The following KAZN variants were observed in gnomAD, a reference collection of about 807,000 sequenced individuals.
The protein encoded by KAZN is kazrin.
A neutral mutation model predicts 87.4 loss-of-function variants in KAZN; 40 were observed. The ratio of observed to expected loss-of-function variants is 0.46; its 90% CI spans 0.36 to 0.60. The LOEUF (loss-of-function observed/expected upper bound fraction) is 0.60. Among genes scored for constraint, KAZN ranks in the 20% least tolerant of loss-of-function variants. The pLI is 0.00. For synonymous variants in KAZN, 466 were observed against 458.3 expected, an observed-to-expected ratio of 1.02 and a Z score of -0.22; for missense variants, 898 against 1,073.9, an observed-to-expected ratio of 0.84 and a Z score of 2.29.
Position 14,921,379 on chromosome 1 carries a change from T to C in KAZN, c.227-39305T>C, listed in dbSNP as rs118102069. Among the ~76,000 whole-genome samples the C allele has an allele frequency of 2.2e-3, 342 of 152,308 alleles. 9 individuals carry two copies. The East Asian group carries it at 0.046, about 21-fold the overall frequency. On this transcript the variant is annotated intron_variant, in intron 1 of 14. Transcript: ENST00000376030. ...GGTGGCCAATGGGCTACATAAAGAC[T>C]TTTAGATATGTTTACTTTCTTCTTC...
intron 2 of KAZN, among the ~76,000 whole-genome samples, chr1:14,352,390 C>T (rs1034279097): frequency 2.6e-5 from 4 of 152,090 alleles, no homozygotes; most frequent in Admixed American, 6.6e-5. Flanking sequence ...ATAATATGGT[C>T]TTCCCTGAGT....
At chr1:14,278,978 C>T (rs942025099) in intron 2 of KAZN, among the ~76,000 whole-genome samples, 7 of 144,400 alleles carry the variant, frequency 4.8e-5, no homozygotes, top group African/African-American at 1.8e-4. Context: ...CAACATGCCA[C>T]TGCGTCAATC....
At chr1:14,305,658 TTTTTTTTTTGTTTTC>T (rs1654869588) in intron 2 of KAZN, among the ~76,000 whole-genome samples, 1 of 141,788 alleles carries the variant, frequency 7.1e-6, no homozygotes, top group South Asian at 2.2e-4. Flanking sequence ...CTGCTCTCCC[TTTTTTTTTTGTTTTC>T]TTTTTTTTTA....
chr1:15,024,200 A>T (rs1376201833), intron 2 of KAZN, among the ~76,000 whole-genome samples: 1 of 152,138 alleles, frequency 6.6e-6, no homozygotes, highest in Non-Finnish European at 1.5e-5. Flanking sequence ...GAGCAGGCAG[A>T]AATGAGAGGA....
chr1:15,093,616 A>T (rs960302400), intron 8 of KAZN, among the ~76,000 whole-genome samples: 3 of 152,192 alleles, frequency 2.0e-5, no homozygotes, highest in African/African-American at 7.2e-5. Context: ...TTTTTACATA[A>T]GATAAAGATA....
intron 1 of KAZN, among the ~76,000 whole-genome samples, chr1:14,667,363 G>A (rs559608371): frequency 6.6e-6 from 1 of 152,192 alleles, no homozygotes; most frequent in South Asian, 2.1e-4. Flanking sequence ...GGGACTCGAA[G>A]GTGAATTTGC....
chr1:14,060,341 C>T (rs1198162200), intron 1 of KAZN, among the ~76,000 whole-genome samples: 2 of 126,382 alleles, frequency 1.6e-5, no homozygotes, highest in African/African-American at 3.1e-5. Context: ...CCAGCCTGGG[C>T]GACAGAGCGA....
intron 1 of KAZN, among the ~76,000 whole-genome samples, chr1:14,675,941 C>T (rs1640191419): frequency 6.6e-6 from 1 of 152,018 alleles, no homozygotes; most frequent in South Asian, 2.1e-4. Context: ...TGCTCTACAC[C>T]CCGAGTATGG....
intron 2 of KAZN, among the ~76,000 whole-genome samples, chr1:14,195,843 TC>T (rs1646515728): frequency 6.6e-6 from 1 of 152,222 alleles, no homozygotes; most frequent in Admixed American, 6.5e-5. Flanking sequence ...ATCCCAGTCT[TC>T]CTGGAGCTTA....
intron 1 of KAZN, among the ~76,000 whole-genome samples, chr1:14,864,489 G>A (rs1189062708): frequency 6.6e-6 from 1 of 152,192 alleles, no homozygotes; most frequent in Non-Finnish European, 1.5e-5. Context: ...TTGAACCCGG[G>A]AGGTGGAGGT....
intron 2 of KAZN, among the ~76,000 whole-genome samples, chr1:14,555,890 A>G (rs752263603): frequency 6.6e-6 from 1 of 152,212 alleles, no homozygotes; most frequent in Non-Finnish European, 1.5e-5. Context: ...GATGTATTAT[A>G]TCTACAGAGA....
intron 1 of KAZN, among the ~76,000 whole-genome samples, chr1:14,637,903 A>G (rs897724833): frequency 2.0e-5 from 3 of 152,112 alleles, no homozygotes; most frequent in African/African-American, 7.2e-5. Context: ...GAAATCCAAA[A>G]TCAAGGTGCC....
At chr1:14,028,096 G>A (rs2101308610) in intron 1 of KAZN, among the ~76,000 whole-genome samples, 1 of 152,244 alleles carries the variant, frequency 6.6e-6, no homozygotes, top group Middle Eastern at 3.4e-3. Context: ...TAATCTTATT[G>A]GAGTAGCTTC....
chr1:14,900,809 T>A (rs1572772296), intron 1 of KAZN, among the ~76,000 whole-genome samples: 1 of 149,046 alleles, frequency 6.7e-6, no homozygotes, highest in Non-Finnish European at 1.5e-5. Context: ...AGCAAGTGGG[T>A]GCAGCTACTA....
In KAZN at chr1:15,041,331, C is replaced by CTTTTTTTTT. The variant is rs71000360; in HGVS notation, c.556-2651_556-2643dup. Among the ~76,000 whole-genome samples, 825 of 113,938 alleles carry CTTTTTTTTT rather than the reference C, an allele frequency of 7.2e-3. 10 individuals are homozygous for CTTTTTTTTT. The highest frequency in any genetic ancestry group is 0.012 in the African/African-American group (350 of 28,250). 74.7% of individuals were successfully genotyped at this position (113,938 alleles called of 152,430 possible). A position where few individuals can be genotyped will look rare whatever the true frequency, so the allele number is the denominator to read the frequency against. ...GTATTCTACTCTCCGCATTTTTTTTCTTTTTTTTTTTTTTTGTTTTTTTGA... is the reference window on the plus strand; with the variant it reads ...GTATTCTACTCTCCGCATTTTTTTTCTTTTTTTTTTTTTTTTTTTTTTTTGTTTTTTTGA... On this transcript the variant is annotated intron_variant, in intron 3 of 14. Coordinates refer to ENST00000376030, the MANE Select transcript of KAZN (RefSeq NM_201628.3).
chr1:14,605,409 A>G (rs1459914081), intron 1 of KAZN, among the ~76,000 whole-genome samples: 3 of 152,158 alleles, frequency 2.0e-5, no homozygotes, highest in Admixed American at 6.5e-5. Flanking sequence ...GACTCCCCCA[A>G]CACTTAACTC....
intron 2 of KAZN, among the ~76,000 whole-genome samples, chr1:14,501,240 T>C (rs1330611467): frequency 6.6e-6 from 1 of 152,064 alleles, no homozygotes; most frequent in Non-Finnish European, 1.5e-5. Context: ...CTACTCCCAT[T>C]TAACATTGTA....
intron 1 of KAZN, among the ~76,000 whole-genome samples, chr1:14,682,812 A>G (rs1640750903): frequency 6.6e-6 from 1 of 152,188 alleles, no homozygotes. Context: ...AATGCAAACA[A>G]GTCCACACAA....
At chr1:14,188,160 CT>C (rs1646347730) in intron 2 of KAZN, among the ~76,000 whole-genome samples, 1 of 149,242 alleles carries the variant, frequency 6.7e-6, no homozygotes, top group African/African-American at 2.5e-5. Flanking sequence ...GACATTTAAA[CT>C]TAGATCTGGG....
Sources: allele counts gnomAD v4.1 joint callset (sites outside exome capture counted in the v4.1 genomes callset), GRCh38; gene constraint gnomAD v4.1.1; transcripts MANE v1.5; gene names NCBI Gene and HGNC (gene_info 2026-07-23, HGNC 2026-07-21).